Variants in GSN observed in about 807,000 individuals in gnomAD.
The protein encoded by GSN is actin-depolymerizing factor.
GSN carries 56 observed loss-of-function variants against 85.7 expected under a neutral mutation model. The ratio of observed to expected loss-of-function variants is 0.65; its 90% CI spans 0.53 to 0.82. The LOEUF (loss-of-function observed/expected upper bound fraction) is 0.82. GSN is among the 40% of genes least tolerant of loss of function. GSN has a pLI of 0.00. For missense variants in GSN, 857 were observed against 979.8 expected, an observed-to-expected ratio of 0.87 and a Z score of 1.67; for synonymous variants, 373 against 399.1, an observed-to-expected ratio of 0.93 and a Z score of 0.78.
chr9:121,282,024 T>TGAGTCATG (rs1481552946), intron 2 of GSN: 1 of 475,108 alleles, frequency 2.1e-6, no homozygotes. Context: ...CTGAGGTGTG[T>TGAGTCATG]GAGTCATGGG....
At chr9:121,319,911 G>C (rs575861303) in intron 10 of GSN, among the ~76,000 whole-genome samples, 1 of 152,050 alleles carries the variant, frequency 6.6e-6, no homozygotes, top group African/African-American at 2.4e-5. Flanking sequence ...ACTTGACTCC[G>C]TTCCTAATGA....
chr9:121,316,741 G>T lies in GSN; in HGVS notation c.754-345G>T, dbSNP rs1027105480. Among the ~76,000 whole-genome samples, 6 of 152,200 alleles carry T rather than the reference G, an allele frequency of 3.9e-5. 1 individual carries two copies. The highest frequency in any genetic ancestry group is 8.8e-5 in the Non-Finnish European group (6 of 68,034). On this transcript the variant is annotated intron_variant, in intron 7 of 17. Transcript: ENST00000432226. The stretch of plus-strand genomic sequence containing the variant: ...CCACCTGGGCCTCCCAGAGCGCTGG[G>T]ATTAAAGGTGTGCGACACTGTAACC...
At chr9:121,224,825 AATAAATTT>A (rs1386864232) in intron 4 of GSN, among the ~76,000 whole-genome samples, 1 of 151,400 alleles carries the variant, frequency 6.6e-6, no homozygotes, top group Non-Finnish European at 1.5e-5. Flanking sequence ...TAAATAAATA[AATAAATTT>A]ATTGAGACAG....
chr9:121,332,618 C>CA lies in GSN; in HGVS notation c.*16dup, dbSNP rs756688937. 27 of 1,606,078 alleles carry CA rather than the reference C, an allele frequency of 1.7e-5. 1 individual carries two copies. The South Asian group carries it at 2.4e-4, about 14-fold the overall frequency. Reference sequence around the variant, plus strand: ...TGGCTGCCTGAGGAGGGGCAGGGCCCACCCATGTCACCGGTCAGTGCCTTT... The same window carrying CA: ...TGGCTGCCTGAGGAGGGGCAGGGCCCAACCCATGTCACCGGTCAGTGCCTTT... On this transcript the variant is annotated 3_prime_UTR_variant, in exon 18 of 18. Transcript: ENST00000432226. This position sits in a 1 kb window ranked among gnomAD's most constrained non-coding sequence, Gnocchi z 4.8.
At chr9:121,267,771 G>T (rs2055289180), upstream of GSN, among the ~76,000 whole-genome samples, 1 of 152,144 alleles carries the variant, frequency 6.6e-6, no homozygotes, top group East Asian at 1.9e-4. Context: ...CCTGAAGTCC[G>T]TTCTCTCCAG....
rs188451094 is a variant in GSN at position 121,322,306 on chromosome 9, C to A, written c.1325+905C>A. Among the ~76,000 whole-genome samples, 460 of 152,328 alleles carry A rather than the reference C, an allele frequency of 3.0e-3. 3 individuals are homozygous for A. Among genetic ancestry groups the A allele is most frequent in the African/African-American group, 0.01 (425 of 41,566 alleles). On this transcript the variant is annotated intron_variant, in intron 11 of 17. Transcript: ENST00000432226. ...GTAGCATACTTTGTATATTGCCCTG[C>A]ACCTTGCTTTTCTGACTCCATTCTT... is the stretch of plus-strand genomic sequence containing the variant.
intron 5 of GSN, among the ~76,000 whole-genome samples, chr9:121,241,070 A>G (rs2054594455): frequency 6.6e-6 from 1 of 152,234 alleles, no homozygotes; most frequent in African/African-American, 2.4e-5. Flanking sequence ...ACTAACTGGA[A>G]ATAAAAATAA....
At chr9:121,281,625 C>A (rs1326119929) in intron 2 of GSN, 63 bp downstream of exon 2, 1 of 471,184 alleles carries the variant, frequency 2.1e-6, no homozygotes, top group South Asian at 1.5e-5. Context: ...CCCAGGGAAG[C>A]CTGGAGGGGA....
At chr9:121,322,615 C>T (rs1247525339) in intron 11 of GSN, among the ~76,000 whole-genome samples, 2 of 152,158 alleles carry the variant, frequency 1.3e-5, no homozygotes, top group Non-Finnish European at 2.9e-5. Flanking sequence ...TGGTAGATAG[C>T]CCCCAATTTC....
At chr9:121,311,866 A>G in intron 5 of GSN, 1 of 158,152 alleles carries the variant, frequency 6.3e-6, no homozygotes, top group Non-Finnish European at 1.4e-5. Context: ...TGGGCACTTG[A>G]GGTGGCTTCT....
At chr9:121,232,042 G>A (rs2054399899) in intron 5 of GSN, among the ~76,000 whole-genome samples, 1 of 152,188 alleles carries the variant, frequency 6.6e-6, no homozygotes, top group Non-Finnish European at 1.5e-5. Flanking sequence ...ACTCCAGCCT[G>A]GGTGACAGAG....
chr9:121,239,289 G>A (rs1472285298), intron 5 of GSN: 9 of 387,946 alleles, frequency 2.3e-5, no homozygotes, highest in East Asian at 6.5e-5. Flanking sequence ...CCAGAAATTC[G>A]GCTGTGGTTA....
intron 5 of GSN, among the ~76,000 whole-genome samples, chr9:121,237,868 C>T (rs2054527597): frequency 6.6e-6 from 1 of 152,222 alleles, no homozygotes; most frequent in Non-Finnish European, 1.5e-5. Context: ...GAAAACGTCA[C>T]CTGCATCCCT....
chr9:121,226,192 C>T (rs776926128), intron 4 of GSN, among the ~76,000 whole-genome samples: 2 of 152,224 alleles, frequency 1.3e-5, no homozygotes, highest in Non-Finnish European at 2.9e-5. Context: ...TCAAGTCATT[C>T]CTCCATCAAT....
At chr9:121,320,929 G>A (rs1483940876) in intron 10 of GSN, among the ~76,000 whole-genome samples, 2 of 152,252 alleles carry the variant, frequency 1.3e-5, no homozygotes, top group Admixed American at 1.3e-4. Flanking sequence ...CTCATGGCCC[G>A]GAAGGGGATG....
intron 2 of GSN, among the ~76,000 whole-genome samples, chr9:121,300,325 C>G (rs1480294266): frequency 6.6e-6 from 1 of 152,000 alleles, no homozygotes; most frequent in Non-Finnish European, 1.5e-5. Flanking sequence ...CCTCACTTCT[C>G]TCCTTCTCTC....
chr9:121,282,165 A>G, intron 2 of GSN: 1 of 488,912 alleles, frequency 2.0e-6, no homozygotes. Flanking sequence ...GCTGGAAGCC[A>G]GGAGACTGGC....
At chr9:121,314,277 G>A (rs1388379656) in intron 7 of GSN, among the ~76,000 whole-genome samples, 1 of 152,238 alleles carries the variant, frequency 6.6e-6, no homozygotes, top group Non-Finnish European at 1.5e-5. Context: ...GTCCTAGTCT[G>A]TAAAGTGGGA....
intron 6 of GSN, among the ~76,000 whole-genome samples, chr9:121,258,031 G>A (rs2055003772): frequency 6.6e-6 from 1 of 152,222 alleles, no homozygotes; most frequent in Non-Finnish European, 1.5e-5. Flanking sequence ...TAAATGTGAT[G>A]ATCACAACTG....
Sources: gnomAD v4.1 joint callset for allele counts (sites outside exome capture counted in the v4.1 genomes callset) on GRCh38, gnomAD v4.1.1 for gene constraint, Gnocchi (gnomAD v3.1) non-coding constraint, MANE v1.5 for transcripts, NCBI Gene and HGNC (gene_info 2026-07-23, HGNC 2026-07-21) for gene names.